DENND1A: variants seen among roughly 807,000 people sequenced by gnomAD.
DENND1A encodes DENN domain-containing protein 1A.
A neutral mutation model predicts 113.7 loss-of-function variants in DENND1A; 51 were observed. That is an observed-to-expected ratio of 0.45 (90% CI 0.36 to 0.57). The LOEUF (loss-of-function observed/expected upper bound fraction) is 0.57, where lower values mean the gene tolerates loss of function less well. DENND1A is among the 20% of genes least tolerant of loss of function. The probability of loss-of-function intolerance (pLI) is 0.00; values close to 1 mark genes in which losing one functional copy is unlikely to be tolerated. For synonymous variants in DENND1A, 565 were observed against 570.8 expected (o/e 0.99, Z 0.14); for missense variants, 1,258 against 1,395.9 (o/e 0.90, Z 1.57).
intron 9 of DENND1A, among the ~76,000 whole-genome samples, chr9:123,649,441 G>A (rs757501755): frequency 3.9e-5 from 6 of 152,056 alleles, no homozygotes; most frequent in Non-Finnish European, 7.4e-5. Context: ...TACAAGTGTC[G>A]CAGGAAAAGT....
chr9:123,733,142 C>T (rs759925303), intron 5 of DENND1A, among the ~76,000 whole-genome samples: 3 of 152,050 alleles, frequency 2.0e-5, no homozygotes, highest in South Asian at 2.1e-4. Context: ...CCACCACACT[C>T]GGCTAATTTT....
chr9:123,717,815 A>C (rs973803458), intron 5 of DENND1A, among the ~76,000 whole-genome samples: 1 of 152,190 alleles, frequency 6.6e-6, no homozygotes, highest in Non-Finnish European at 1.5e-5. Flanking sequence ...CTACCACTCT[A>C]ATCAGTTGCT....
In DENND1A at chr9:123,609,531, G is replaced by A. The variant is rs758263091; in HGVS notation, c.720-50C>T. 1.4e-5 allele frequency: 22 copies of A among 1,590,966 alleles called. No homozygotes were observed. In the South Asian group the frequency reaches 2.5e-4, roughly 18 times the overall value. Reference sequence around the variant, plus strand: ...AGCTGCTTTAATGTCTGTTGCTTCTGACAGAAAATTACAGATGGTTCACTA... The same window carrying A: ...AGCTGCTTTAATGTCTGTTGCTTCTAACAGAAAATTACAGATGGTTCACTA... On this transcript the variant is annotated intron_variant, in intron 10 of 23. Coordinates refer to ENST00000394215, the MANE Select transcript of DENND1A (RefSeq NM_001352964.2).
chr9:123,839,629 TTAAGCATTC>T (rs1488635692), intron 2 of DENND1A, among the ~76,000 whole-genome samples: 1 of 152,220 alleles, frequency 6.6e-6, no homozygotes, highest in Non-Finnish European at 1.5e-5. Context: ...CTAATAATAA[TTAAGCATTC>T]AAAGCTTACA....
At chr9:123,580,874 G>A (rs944114460) in intron 12 of DENND1A, among the ~76,000 whole-genome samples, 6 of 152,130 alleles carry the variant, frequency 3.9e-5, no homozygotes, top group Non-Finnish European at 5.9e-5. Flanking sequence ...AGAGGGAGGC[G>A]GGATACATAG....
chr9:123,631,637 T>C (rs2138655583), intron 9 of DENND1A, among the ~76,000 whole-genome samples: 1 of 152,364 alleles, frequency 6.6e-6, no homozygotes, highest in South Asian at 2.1e-4. Flanking sequence ...GGAATTACTT[T>C]AGGTTTAAGG....
Position 123,636,399 on chromosome 9 carries a change from C to A in DENND1A, c.619-5923G>T, listed in dbSNP as rs139203341. Among the ~76,000 whole-genome samples, 374 of 152,200 alleles carry A rather than the reference C, an allele frequency of 2.5e-3. 2 individuals carry two copies. The highest frequency in any genetic ancestry group is 8.2e-3 in the Admixed American group (126 of 15,302). ...TGGTGGGACCTCGGCTCACTGCAACCTCTGCCTCCCACGTTCAAGTGATTC... is the reference window on the plus strand; with the variant it reads ...TGGTGGGACCTCGGCTCACTGCAACATCTGCCTCCCACGTTCAAGTGATTC... On this transcript the variant is annotated intron_variant, in intron 9 of 23. Coordinates refer to ENST00000394215, the MANE Select transcript of DENND1A (RefSeq NM_001352964.2).
chr9:123,832,550 G>T (rs562267703), intron 2 of DENND1A, among the ~76,000 whole-genome samples: 1 of 152,068 alleles, frequency 6.6e-6, no homozygotes, highest in Non-Finnish European at 1.5e-5. Flanking sequence ...ACAAACACCA[G>T]ATATATTTAC....
At chr9:123,457,714 C>T in intron 14 of DENND1A, 79 bp downstream of exon 14, 3 of 1,365,052 alleles carry the variant, frequency 2.2e-6, no homozygotes, top group Non-Finnish European at 3.0e-6. Context: ...ATGCCTGCGG[C>T]CTCAGTACTT....
intron 1 of DENND1A, among the ~76,000 whole-genome samples, chr9:123,906,112 A>G (rs1456899377): frequency 1.3e-5 from 2 of 151,940 alleles, no homozygotes; most frequent in Non-Finnish European, 2.9e-5. Context: ...TGACTACTGG[A>G]TACATAACGC....
chr9:123,493,727 A>G (rs1337334699), intron 13 of DENND1A, among the ~76,000 whole-genome samples: 2 of 152,184 alleles, frequency 1.3e-5, no homozygotes, highest in African/African-American at 4.8e-5. Context: ...ACCGAAGAAT[A>G]GCCCGAGAAG....
chr9:123,418,550 A>G (rs1019302342), intron 19 of DENND1A, among the ~76,000 whole-genome samples: 1 of 152,220 alleles, frequency 6.6e-6, no homozygotes, highest in Non-Finnish European at 1.5e-5. Context: ...ACAGGGCTGC[A>G]GGGTGGAAAA....
chr9:123,577,984 A>T (rs967330008), intron 12 of DENND1A, among the ~76,000 whole-genome samples: 11 of 152,194 alleles, frequency 7.2e-5, no homozygotes, highest in African/African-American at 2.4e-4. Context: ...CAGAACCTGC[A>T]GGATTCCTAG....
intron 19 of DENND1A, among the ~76,000 whole-genome samples, chr9:123,415,581 A>G (rs7048861): frequency 0.53 from 81,100 of 152,106 alleles, 22,930 homozygotes; most frequent in Non-Finnish European, 0.65. Flanking sequence ...CGTGGGAAGC[A>G]GTCTCAGATT....
intron 5 of DENND1A, among the ~76,000 whole-genome samples, chr9:123,712,801 G>A (rs1489176347): frequency 2.0e-5 from 3 of 152,180 alleles, no homozygotes; most frequent in Non-Finnish European, 4.4e-5. Flanking sequence ...ATGTAGAGCT[G>A]GCATTAGAAA....
chr9:123,799,106 C>T (rs951212093), intron 2 of DENND1A, among the ~76,000 whole-genome samples: 2 of 152,034 alleles, frequency 1.3e-5, no homozygotes, highest in Non-Finnish European at 1.5e-5. Context: ...TCCATATGGT[C>T]TTCATAAATA....
At chr9:123,474,729 C>G (rs1432721009) in intron 13 of DENND1A, among the ~76,000 whole-genome samples, 1 of 152,198 alleles carries the variant, frequency 6.6e-6, no homozygotes, top group Non-Finnish European at 1.5e-5. Flanking sequence ...AAATGGGAAT[C>G]ATTGTTCTTA....
chr9:123,395,468 C>CTCTCTCTGTG (rs367751848), intron 21 of DENND1A, among the ~76,000 whole-genome samples: 1 of 142,984 alleles, frequency 7.0e-6, no homozygotes, highest in African/African-American at 2.7e-5. Context: ...CTCTCTCTCT[C>CTCTCTCTGTG]TGTGTGTGTG....
At chr9:123,927,179 C>T (rs1029377046) in intron 1 of DENND1A, among the ~76,000 whole-genome samples, 9 of 152,190 alleles carry the variant, frequency 5.9e-5, no homozygotes, top group Non-Finnish European at 1.3e-4. Flanking sequence ...CAGGCTTAAA[C>T]TTAAAAGAGA....
Sources: gnomAD v4.1 joint callset for allele counts (sites outside exome capture counted in the v4.1 genomes callset) on GRCh38, gnomAD v4.1.1 for gene constraint, MANE v1.5 for transcripts, NCBI Gene and HGNC (gene_info 2026-07-23, HGNC 2026-07-21) for gene names.